MYO5C: variants seen among roughly 807,000 people sequenced by gnomAD.
MYO5C encodes the protein unconventional myosin-Vc.
Under a neutral mutation model 235.7 loss-of-function variants are expected in MYO5C, and 194 were observed. The ratio of observed to expected loss-of-function variants is 0.82; its 90% CI spans 0.73 to 0.93. The LOEUF is 0.93. MYO5C is among the 40% of genes least tolerant of loss of function. MYO5C has a pLI of 0.00. For missense variants in MYO5C, 2,038 were observed against 2,127.2 expected (o/e 0.96, Z 0.82); for synonymous variants, 707 against 754.8 (o/e 0.94, Z 1.04).
chr15:52,270,265 C>T (rs1370722424), intron 7 of MYO5C, among the ~76,000 whole-genome samples: 1 of 152,098 alleles, frequency 6.6e-6, no homozygotes, highest in Admixed American at 6.5e-5. Context: ...CTCAGTGACC[C>T]TGTCTCAAAA....
intron 10 of MYO5C, among the ~76,000 whole-genome samples, chr15:52,259,707 T>C (rs1307621908): frequency 2.0e-5 from 3 of 152,254 alleles, no homozygotes; most frequent in African/African-American, 4.8e-5. Flanking sequence ...TGACACGTAC[T>C]ATTAATTGGG....
At chr15:52,232,581 A>G in intron 24 of MYO5C, 41 bp downstream of exon 24, 11 of 1,579,040 alleles carry the variant, frequency 7.0e-6, no homozygotes, top group Non-Finnish European at 8.7e-6. Flanking sequence ...CAGCACAGAC[A>G]GAAGAAAGAA....
In MYO5C at chr15:52,205,047, G is replaced by A. The variant is rs942975813; in HGVS notation, c.4638C>T (p.Tyr1546=). The A allele has an allele frequency of 8.1e-6, 13 of 1,614,106 alleles. No homozygotes were observed. The highest frequency in any genetic ancestry group is 2.7e-5 in the African/African-American group (2 of 74,948). Residue 1546 remains tyrosine, a synonymous_variant, in exon 38 of 41, where the codon TAC becomes TAT. Transcript: ENST00000261839. ...RSSSIDDTDG[Y]TMTSVLQQLS... The stretch of plus-strand genomic sequence containing the variant: ...GCTGTTGCAGGACGGAGGTCATGGT[G>A]TAGCCGTCCGTGTCGTCTATGCTAG...
At chr15:52,271,420 G>A (rs1039109533) in intron 7 of MYO5C, among the ~76,000 whole-genome samples, 4 of 152,086 alleles carry the variant, frequency 2.6e-5, no homozygotes, top group African/African-American at 9.7e-5. Context: ...GTAGAGACAG[G>A]GTTTTGCCAT....
At chr15:52,288,096 A>T (rs1049692254) in intron 1 of MYO5C, among the ~76,000 whole-genome samples, 3 of 152,162 alleles carry the variant, frequency 2.0e-5, no homozygotes, top group Non-Finnish European at 4.4e-5. Context: ...CTGGGCTCTG[A>T]GAAGTAATGT....
chr15:52,281,017 C>T (rs773250533), intron 2 of MYO5C, among the ~76,000 whole-genome samples: 1 of 152,190 alleles, frequency 6.6e-6, no homozygotes, highest in Non-Finnish European at 1.5e-5. Context: ...GTATTGTGAC[C>T]TAACCCCGAC....
intron 1 of MYO5C, among the ~76,000 whole-genome samples, chr15:52,292,894 G>T (rs143340987): frequency 6.6e-6 from 1 of 152,240 alleles, no homozygotes; most frequent in Non-Finnish European, 1.5e-5. Context: ...CAGTGGCAAC[G>T]TGCAAGCAAG....
intron 7 of MYO5C, among the ~76,000 whole-genome samples, chr15:52,271,289 C>T (rs183169168): frequency 5.2e-4 from 78 of 151,254 alleles, no homozygotes; most frequent in African/African-American, 1.6e-3. Context: ...AGTGCAGTGG[C>T]GTGATCTCGG....
chr15:52,274,597 T>C (rs1893833633), intron 5 of MYO5C, among the ~76,000 whole-genome samples: 1 of 152,148 alleles, frequency 6.6e-6, no homozygotes, highest in South Asian at 2.1e-4. Flanking sequence ...TTTCTATTGG[T>C]ATCTTGGATT....
At chr15:52,217,072 C>T (rs917762334) in intron 32 of MYO5C, among the ~76,000 whole-genome samples, 3 of 152,316 alleles carry the variant, frequency 2.0e-5, no homozygotes, top group South Asian at 4.1e-4. Context: ...TTTTAAAGCA[C>T]CTGGTTTGTG....
chr15:52,256,581 A>ACC, intron 11 of MYO5C, 58 bp downstream of exon 11: 1 of 914,956 alleles, frequency 1.1e-6, no homozygotes, highest in Non-Finnish European at 1.6e-6. Context: ...ACACACACAC[A>ACC]CACACACGCG....
intron 16 of MYO5C, 41 bp downstream of exon 16, chr15:52,246,876 C>T (rs768010700): frequency 1.8e-5 from 28 of 1,525,220 alleles, no homozygotes; most frequent in East Asian, 2.3e-5. Context: ...GCAGAAACTG[C>T]CTTCCCACGT....
At chr15:52,205,208 C>G (rs985083973) in intron 37 of MYO5C, 61 bp from the exon 38 acceptor site, 3 of 1,562,746 alleles carry the variant, frequency 1.9e-6, no homozygotes, top group Non-Finnish European at 2.6e-6. Context: ...ACGTTCCCGA[C>G]GCTCTTCGGT....
intron 25 of MYO5C, 61 bp downstream of exon 25, chr15:52,229,072 C>A (rs999868345): frequency 6.3e-7 from 1 of 1,592,756 alleles, no homozygotes; most frequent in African/African-American, 1.3e-5. Flanking sequence ...TCTGTGGGAA[C>A]TTGGAATTGC....
intron 12 of MYO5C, among the ~76,000 whole-genome samples, chr15:52,253,090 TA>T (rs2036506393): frequency 6.6e-6 from 1 of 152,150 alleles, no homozygotes; most frequent in Admixed American, 6.5e-5. Context: ...GGAAGTCAGG[TA>T]AAAGAGGTGG....
chr15:52,234,142 G>A (rs897886795), intron 23 of MYO5C, among the ~76,000 whole-genome samples: 39 of 152,292 alleles, frequency 2.6e-4, no homozygotes, highest in African/African-American at 8.7e-4. Flanking sequence ...TTGCAGATGC[G>A]CTAAAGAAGC....
At chr15:52,291,941 G>T in intron 1 of MYO5C, among the ~76,000 whole-genome samples, 1 of 151,566 alleles carries the variant, frequency 6.6e-6, no homozygotes. Flanking sequence ...GGGTTTCACC[G>T]TGTTAGCCAG....
At chr15:52,218,304 C>T (rs1176805081) in intron 32 of MYO5C, among the ~76,000 whole-genome samples, 1 of 152,176 alleles carries the variant, frequency 6.6e-6, no homozygotes, top group Non-Finnish European at 1.5e-5. Context: ...TCTGTCTCTC[C>T]TCCTTCACCC....
chr15:52,243,743 G>C (rs1283566700), intron 19 of MYO5C, among the ~76,000 whole-genome samples: 1 of 152,248 alleles, frequency 6.6e-6, no homozygotes, highest in African/African-American at 2.4e-5. Flanking sequence ...GGAAGTCCCG[G>C]AATGACCGTG....
Sources: gnomAD v4.1 joint callset for allele counts (sites outside exome capture counted in the v4.1 genomes callset) on GRCh38, gnomAD v4.1.1 for gene constraint, MANE v1.5 for transcripts, NCBI Gene and HGNC (gene_info 2026-07-23, HGNC 2026-07-21) for gene names.